The following EPHA6 variants were observed in gnomAD, a reference collection of about 807,000 sequenced individuals.
EPHA6 encodes the protein EPH receptor A6.
A neutral mutation model predicts 112.0 loss-of-function variants in EPHA6; 50 were observed. The ratio of observed to expected loss-of-function variants is 0.45; its 90% confidence interval spans 0.36 to 0.56. The LOEUF (loss-of-function observed/expected upper bound fraction) is 0.56, where lower values mean the gene tolerates loss of function less well. EPHA6 is among the 20% of genes least tolerant of loss of function. The pLI, the probability that EPHA6 is intolerant of heterozygous loss-of-function variation, is 0.00. For synonymous variants in EPHA6, 529 were observed against 490.7 expected, an observed-to-expected ratio of 1.08 and a Z score of -1.03; for missense variants, 1,280 against 1,417.4, an observed-to-expected ratio of 0.90 and a Z score of 1.56.
intron 2 of EPHA6, among the ~76,000 whole-genome samples, chr3:96,983,152 G>C (rs948345634): frequency 6.6e-6 from 1 of 152,132 alleles, no homozygotes; most frequent in African/African-American, 2.4e-5. Context: ...TAGCCTCGAT[G>C]GTCTTTACAA....
chr3:97,189,193 A>G (rs543910937), intron 3 of EPHA6, among the ~76,000 whole-genome samples: 6 of 152,136 alleles, frequency 3.9e-5, no homozygotes, highest in African/African-American at 1.4e-4. Context: ...AATAAATAAT[A>G]TTATCTACAT....
At chr3:97,252,124 A>G (rs2079158887) in intron 5 of EPHA6, among the ~76,000 whole-genome samples, 1 of 152,150 alleles carries the variant, frequency 6.6e-6, no homozygotes, top group African/African-American at 2.4e-5. Flanking sequence ...CAAGTAGGCC[A>G]GAACAGAAAA....
At chr3:97,624,526 T>G (rs1193934587) in intron 13 of EPHA6, among the ~76,000 whole-genome samples, 1 of 151,576 alleles carries the variant, frequency 6.6e-6, no homozygotes, top group Non-Finnish European at 1.5e-5. Context: ...TTTTTTGTAG[T>G]GTCTTTGTCT....
At chr3:96,832,955 T>C (rs2107284288) in intron 1 of EPHA6, among the ~76,000 whole-genome samples, 1 of 151,962 alleles carries the variant, frequency 6.6e-6, no homozygotes, top group Non-Finnish European at 1.5e-5. Flanking sequence ...TAAAGTTATA[T>C]TATCATTATT....
At chr3:97,110,951 T>TGTA in intron 3 of EPHA6, among the ~76,000 whole-genome samples, 1 of 152,272 alleles carries the variant, frequency 6.6e-6, no homozygotes, top group East Asian at 1.9e-4. Context: ...TATGTGATTA[T>TGTA]TACCTATACT....
intron 2 of EPHA6, among the ~76,000 whole-genome samples, chr3:96,876,136 T>A (rs1305321076): frequency 6.7e-5 from 10 of 149,350 alleles, no homozygotes; most frequent in East Asian, 5.9e-4. Flanking sequence ...TACATATATT[T>A]TTTTTTTTTT....
intron 15 of EPHA6, among the ~76,000 whole-genome samples, chr3:97,724,946 G>A (rs574223157): frequency 9.2e-5 from 14 of 151,906 alleles, no homozygotes; most frequent in Non-Finnish European, 1.6e-4. Context: ...TGAAAACACA[G>A]TTATTGTTTA....
intron 3 of EPHA6, among the ~76,000 whole-genome samples, chr3:97,016,418 C>T (rs1452898961): frequency 1.3e-5 from 2 of 151,724 alleles, no homozygotes; most frequent in Non-Finnish European, 2.9e-5. Context: ...GTGAACATTC[C>T]AATTTCAGAA....
chr3:97,072,030 G>T (rs1314582485), intron 3 of EPHA6, among the ~76,000 whole-genome samples: 3 of 151,958 alleles, frequency 2.0e-5, no homozygotes, highest in Admixed American at 1.3e-4. Flanking sequence ...TGATTCAGCA[G>T]TTCCACTACT....
chr3:96,833,600 A>T (rs2034221355), intron 1 of EPHA6, among the ~76,000 whole-genome samples: 1 of 152,004 alleles, frequency 6.6e-6, no homozygotes, highest in South Asian at 2.1e-4. Flanking sequence ...TAAGAGATGG[A>T]GTGGATATAT....
At chr3:97,742,572 G>A (rs2035551169) in intron 16 of EPHA6, among the ~76,000 whole-genome samples, 1 of 151,976 alleles carries the variant, frequency 6.6e-6, no homozygotes, top group Non-Finnish European at 1.5e-5. Flanking sequence ...AAGACTTACT[G>A]AAAATAAAAG....
intron 11 of EPHA6, among the ~76,000 whole-genome samples, chr3:97,539,230 C>A (rs1281562163): frequency 1.3e-5 from 2 of 151,198 alleles, no homozygotes; most frequent in East Asian, 1.9e-4. Context: ...TCACTGCAAC[C>A]TTTGCCTCCC....
chr3:97,162,364 C>T (rs1411739613), intron 3 of EPHA6, among the ~76,000 whole-genome samples: 5 of 152,166 alleles, frequency 3.3e-5, no homozygotes, highest in African/African-American at 1.2e-4. Context: ...GGGATTCTGC[C>T]ACCAGCTGAG....
At position 97,178,743 on chromosome 3, in the gene EPHA6, C is replaced by T. The variant is rs561171792; in HGVS notation, c.1115-47521C>T. On this transcript the variant is annotated intron_variant, in intron 3 of 17. Transcript: ENST00000389672. ...TATTGGAGCTCCATTGTATGTTATTCGTTTCTTTTCTCTTGCTGCTTTTAG... is the reference window on the plus strand; with the variant it reads ...TATTGGAGCTCCATTGTATGTTATTTGTTTCTTTTCTCTTGCTGCTTTTAG... 2.0e-4 allele frequency among the ~76,000 whole-genome samples: 30 copies of T among 152,122 alleles called. No individual in the cohort carries two copies. The East Asian group carries it at 3.5e-3, about 18-fold the overall frequency.
At chr3:97,451,851 T>A (rs971331591) in intron 7 of EPHA6, among the ~76,000 whole-genome samples, 1 of 152,048 alleles carries the variant, frequency 6.6e-6, no homozygotes, top group East Asian at 1.9e-4. Context: ...TATTATTAAG[T>A]TCTCTCTTGT....
At chr3:96,922,558 T>A (rs1275403309) in intron 2 of EPHA6, among the ~76,000 whole-genome samples, 1 of 152,246 alleles carries the variant, frequency 6.6e-6, no homozygotes, top group Non-Finnish European at 1.5e-5. Flanking sequence ...AATTAAAATG[T>A]TATGATATCT....
rs571139053 is a variant in EPHA6 at position 96,924,995 on chromosome 3, T to C, written c.450+58106T>C. Among the ~76,000 whole-genome samples, 47 of 152,098 alleles carry C rather than the reference T, an allele frequency of 3.1e-4. 1 individual carries two copies. Among genetic ancestry groups the C allele is most frequent in the Non-Finnish European group, 5.7e-4 (39 of 68,016 alleles). On this transcript the variant is annotated intron_variant, in intron 2 of 17. Transcript: ENST00000389672. The stretch of plus-strand genomic sequence containing the variant: ...AACAACCTCCTGAAGCCAACTTAAT[T>C]GTGGTGGATAATTGTTTTGATGTGC...
intron 6 of EPHA6, among the ~76,000 whole-genome samples, chr3:97,439,977 A>C (rs528315886): frequency 6.6e-6 from 1 of 152,282 alleles, no homozygotes; most frequent in East Asian, 1.9e-4. Context: ...TGTGGATATC[A>C]ATCAATTGAC....
At position 97,041,642 on chromosome 3, in the gene EPHA6, A is replaced by ACTTATAAATTAC. The variant is rs529307360; in HGVS notation, c.1114+53651_1114+53652insTATAAATTACCT. Among the ~76,000 whole-genome samples, 48 of 152,192 alleles carry ACTTATAAATTAC rather than the reference A, an allele frequency of 3.2e-4. No homozygotes were observed. In the South Asian group the frequency reaches 9.5e-3, roughly 30 times the overall value. On this transcript the variant is annotated intron_variant, in intron 3 of 17. Transcript: ENST00000389672. ...CATCGCTATTAAAAGACTACCTGAG[A>ACTTATAAATTAC]CTGGGTAATTTATAAAGAAAAGAGG...
Sources: allele counts gnomAD v4.1 joint callset (sites outside exome capture counted in the v4.1 genomes callset), GRCh38; gene constraint gnomAD v4.1.1; transcripts MANE v1.5; gene names NCBI Gene and HGNC (gene_info 2026-07-23, HGNC 2026-07-21).